SEMA3A: variants seen among roughly 807,000 people sequenced by gnomAD.
The protein encoded by SEMA3A is semaphorin-3A.
A neutral mutation model predicts 97.9 loss-of-function variants in SEMA3A; 29 were observed. That is an observed-to-expected ratio of 0.30 (90% CI 0.22 to 0.40). The LOEUF is 0.40. Ranked by LOEUF, SEMA3A falls within the 10% of genes least tolerant of loss-of-function variation. The probability of loss-of-function intolerance (pLI) is 1.00; values close to 1 mark genes in which losing one functional copy is unlikely to be tolerated. For missense variants in SEMA3A, 763 were observed against 951.3 expected (o/e 0.80, Z 2.60); for synonymous variants, 321 against 323.7 (o/e 0.99, Z 0.09).
At chr7:84,166,432 G>A (rs1362326213) in intron 1 of SEMA3A, among the ~76,000 whole-genome samples, 18 of 151,560 alleles carry the variant, frequency 1.2e-4, no homozygotes, top group Non-Finnish European at 2.9e-5. Context: ...TTAGCCAGGC[G>A]TGGTGGTGCA....
At chr7:84,003,413 C>T (rs1369850013) in intron 11 of SEMA3A, among the ~76,000 whole-genome samples, 4 of 152,056 alleles carry the variant, frequency 2.6e-5, no homozygotes, top group Non-Finnish European at 4.4e-5. Context: ...AATCAGATTA[C>T]TCAACTAGGA....
intron 3 of SEMA3A, among the ~76,000 whole-genome samples, chr7:84,244,145 T>C (rs547287493): frequency 6.6e-6 from 1 of 152,302 alleles, no homozygotes; most frequent in Non-Finnish European, 1.5e-5. Context: ...GTCCTGAATA[T>C]CCTTGTTAAT....
At chr7:84,363,421 T>G (rs1393404319) in intron 2 of SEMA3A, among the ~76,000 whole-genome samples, 1 of 151,954 alleles carries the variant, frequency 6.6e-6, no homozygotes, top group East Asian at 1.9e-4. Context: ...CAAGTGCTGA[T>G]TATTTTTGGT....
chr7:84,202,997 T>G (rs1406960477), intron 3 of SEMA3A, among the ~76,000 whole-genome samples: 1 of 152,184 alleles, frequency 6.6e-6, no homozygotes, highest in Non-Finnish European at 1.5e-5. Flanking sequence ...TTCTCTATTC[T>G]TCTAGAAGAC....
chr7:84,396,614 G>C (rs1444976553), intron 1 of SEMA3A, among the ~76,000 whole-genome samples: 2 of 151,862 alleles, frequency 1.3e-5, no homozygotes, highest in African/African-American at 4.8e-5. Context: ...GAAAATATTT[G>C]TTTTCAGGCA....
intron 3 of SEMA3A, among the ~76,000 whole-genome samples, chr7:84,227,596 T>C (rs1409376775): frequency 6.6e-6 from 1 of 152,064 alleles, no homozygotes; most frequent in South Asian, 2.1e-4. Flanking sequence ...CAGCCATGAG[T>C]GTTTTCCCAA....
intron 3 of SEMA3A, among the ~76,000 whole-genome samples, chr7:84,277,402 G>A (rs190591335): frequency 1.6e-4 from 24 of 152,120 alleles, no homozygotes; most frequent in Admixed American, 1.4e-3. Flanking sequence ...TAAAGGGCCC[G>A]TGAATAGCAA....
chr7:84,353,866 T>C (rs912663466), intron 2 of SEMA3A, among the ~76,000 whole-genome samples: 1 of 151,722 alleles, frequency 6.6e-6, no homozygotes, highest in African/African-American at 2.4e-5. Flanking sequence ...ACATTTTTTG[T>C]CAATTTTATC....
intron 1 of SEMA3A, among the ~76,000 whole-genome samples, chr7:84,390,967 C>T (rs1043806592): frequency 6.6e-6 from 1 of 152,104 alleles, no homozygotes; most frequent in Admixed American, 6.6e-5. Context: ...GAGAAAAGTA[C>T]ATATGGTTTT....
At chr7:84,301,596 G>T (rs1801017836) in intron 3 of SEMA3A, among the ~76,000 whole-genome samples, 1 of 152,104 alleles carries the variant, frequency 6.6e-6, no homozygotes, top group African/African-American at 2.4e-5. Context: ...TGTAGAGTAG[G>T]GGTCAGCAAT....
intron 3 of SEMA3A, among the ~76,000 whole-genome samples, chr7:84,256,608 A>G (rs918537838): frequency 2.0e-5 from 3 of 152,062 alleles, no homozygotes; most frequent in Admixed American, 6.6e-5. Flanking sequence ...CAGGGTAGCA[A>G]TGAAGGGGTT....
At chr7:84,351,225 A>C (rs1298384363) in intron 2 of SEMA3A, among the ~76,000 whole-genome samples, 1 of 151,682 alleles carries the variant, frequency 6.6e-6, no homozygotes, top group Non-Finnish European at 1.5e-5. Flanking sequence ...GGCTCTCAGT[A>C]CTCCTTCCCG....
At position 84,010,855 on chromosome 7, in the gene SEMA3A, CA is replaced by C. The variant is rs538943527; in HGVS notation, c.995+166del. Among the ~76,000 whole-genome samples the C allele has an allele frequency of 3.1e-3, 479 of 152,154 alleles. 5 individuals carry two copies. The highest frequency in any genetic ancestry group is 0.024 in the South Asian group (117 of 4,822). On this transcript the variant is annotated intron_variant, in intron 9 of 16. Transcript: ENST00000265362. ...TTTTTTCTAAAATTGATTTAGAAAACAAACATCTACGTAGATCATAACTTCT... is the reference window on the plus strand; with the variant it reads ...TTTTTTCTAAAATTGATTTAGAAAACAACATCTACGTAGATCATAACTTCT...
Position 84,308,663 on chromosome 7 carries a change from G to A in SEMA3A, c.-168-1371C>T, listed in dbSNP as rs1801228751. On this transcript the variant is annotated intron_variant, in intron 2 of 3. Transcript: ENST00000424555. ...GACTTCTCTAAGGGGTAGTAGCAGAGTAGCAGAGAATATCTACTGATGTCT... is the reference window on the plus strand; with the variant it reads ...GACTTCTCTAAGGGGTAGTAGCAGAATAGCAGAGAATATCTACTGATGTCT... Among the ~76,000 whole-genome samples the A allele has an allele frequency of 3.9e-5, 6 of 152,148 alleles. No individual in the cohort carries two copies. In the South Asian group the frequency reaches 1.2e-3, roughly 32 times the overall value.
intron 3 of SEMA3A, among the ~76,000 whole-genome samples, chr7:84,125,696 A>G (rs1355818373): frequency 4.6e-5 from 7 of 152,222 alleles, no homozygotes; most frequent in Non-Finnish European, 7.3e-5. Flanking sequence ...TGTATTAATA[A>G]CAGGGAGAGA....
At chr7:84,023,102 T>G (rs1791388661) in intron 6 of SEMA3A, among the ~76,000 whole-genome samples, 1 of 152,184 alleles carries the variant, frequency 6.6e-6, no homozygotes, top group Non-Finnish European at 1.5e-5. Context: ...CTTGTAACAG[T>G]ACCACTCTGT....
chr7:84,155,382 A>G (rs746699807), intron 1 of SEMA3A, among the ~76,000 whole-genome samples: 1 of 152,050 alleles, frequency 6.6e-6, no homozygotes, highest in Non-Finnish European at 1.5e-5. Context: ...CAAACTCTAT[A>G]CTTTACTAGT....
rs556793822 is a variant in SEMA3A at position 84,343,680 on chromosome 7, A to T, written c.-169+28144T>A. Among the ~76,000 whole-genome samples the T allele has an allele frequency of 2.6e-5, 4 of 152,168 alleles. No homozygotes were observed. The East Asian group carries it at 7.7e-4, about 29-fold the overall frequency. ...TATAAAATTAGCAGTATGGATGGGG[A>T]GAGGAGGGCTAACTCATGATACAAA... On this transcript the variant is annotated intron_variant, in intron 2 of 3. Coordinates refer to the SEMA3A transcript ENST00000424555.
chr7:84,196,781 T>C (rs1458272479), upstream of SEMA3A, among the ~76,000 whole-genome samples: 2 of 152,148 alleles, frequency 1.3e-5, no homozygotes, highest in Non-Finnish European at 2.9e-5. Flanking sequence ...TAATGAATTA[T>C]CCTATTGAAA....
Sources: gnomAD v4.1 joint callset for allele counts (sites outside exome capture counted in the v4.1 genomes callset) on GRCh38, gnomAD v4.1.1 for gene constraint, MANE v1.5 for transcripts, NCBI Gene and HGNC (gene_info 2026-07-23, HGNC 2026-07-21) for gene names.